Variants in LRRC7 observed in about 807,000 individuals in gnomAD.
LRRC7 encodes leucine rich repeat containing 7, also known as leucine-rich repeat-containing protein 7.
In LRRC7, 23 loss-of-function variants were observed where a neutral mutation model predicts 175.7. The ratio of observed to expected loss-of-function variants is 0.13; its 90% CI spans 0.09 to 0.19. LRRC7 has a LOEUF of 0.19. LRRC7 is among the 10% of genes least tolerant of loss of function. The pLI is 1.00. For missense variants in LRRC7, 1,354 were observed against 1,904.7 expected (o/e 0.71, Z 5.38); for synonymous variants, 685 against 680.9 (o/e 1.01, Z -0.09).
At chr1:69,640,807 C>T (rs1278351308) in intron 1 of LRRC7, among the ~76,000 whole-genome samples, 2 of 150,976 alleles carry the variant, frequency 1.3e-5, no homozygotes, top group East Asian at 3.9e-4. Flanking sequence ...TTTTTAGTTG[C>T]TACTTGAATT....
chr1:69,639,868 T>A (rs1653940800), intron 1 of LRRC7, among the ~76,000 whole-genome samples: 1 of 151,346 alleles, frequency 6.6e-6, no homozygotes, highest in Non-Finnish European at 1.5e-5. Flanking sequence ...AAAAAAAAAA[T>A]CGGTTAATAA....
chr1:70,047,811 A>G (rs1571167494), intron 22 of LRRC7, among the ~76,000 whole-genome samples: 1 of 152,144 alleles, frequency 6.6e-6, no homozygotes, highest in East Asian at 1.9e-4. Context: ...AACAAATATA[A>G]CAAAATTAGT....
intron 7 of LRRC7, among the ~76,000 whole-genome samples, chr1:69,857,507 A>T (rs1251850092): frequency 6.6e-6 from 1 of 152,064 alleles, no homozygotes; most frequent in Admixed American, 6.5e-5. Flanking sequence ...ACTCCCATTC[A>T]CAATTGCTTC....
intron 7 of LRRC7, among the ~76,000 whole-genome samples, chr1:69,891,608 T>C (rs1645835421): frequency 6.6e-6 from 1 of 152,068 alleles, no homozygotes; most frequent in Non-Finnish European, 1.5e-5. Flanking sequence ...GGTGTACATC[T>C]GTAGTGCCAG....
chr1:69,720,541 C>T (rs1666236366), intron 2 of LRRC7, among the ~76,000 whole-genome samples: 1 of 151,604 alleles, frequency 6.6e-6, no homozygotes, highest in African/African-American at 2.4e-5. Flanking sequence ...TTTTGCATAT[C>T]TGTGTTTCCA....
intron 18 of LRRC7, among the ~76,000 whole-genome samples, chr1:70,035,452 T>C (rs1659204137): frequency 6.6e-6 from 1 of 151,878 alleles, no homozygotes; most frequent in Non-Finnish European, 1.5e-5. Context: ...AGAATGAAGA[T>C]TTAGTATGCT....
chr1:70,044,340 C>T (rs1306383884), intron 22 of LRRC7, among the ~76,000 whole-genome samples: 1 of 152,086 alleles, frequency 6.6e-6, no homozygotes, highest in African/African-American at 2.4e-5. Flanking sequence ...AGGTACATGG[C>T]TTTTTGTGTT....
At chr1:69,652,240 C>T (rs564545555) in intron 1 of LRRC7, among the ~76,000 whole-genome samples, 4 of 68,254 alleles carry the variant, frequency 5.9e-5, no homozygotes, top group South Asian at 6.0e-4. Context: ...TGATGTTATA[C>T]GTAGAAAACC....
intron 24 of LRRC7, among the ~76,000 whole-genome samples, chr1:70,079,407 T>C (rs952163526): frequency 4.8e-5 from 7 of 144,346 alleles, no homozygotes; most frequent in African/African-American, 1.7e-4. Flanking sequence ...AGGTACAATA[T>C]GGAAAAAAAT....
chr1:69,832,456 C>T (rs1284642460), intron 5 of LRRC7, among the ~76,000 whole-genome samples: 2 of 151,728 alleles, frequency 1.3e-5, no homozygotes, highest in Non-Finnish European at 2.9e-5. Context: ...GGTTGGGGCA[C>T]CAGTAGAAAA....
At chr1:69,928,714 C>A (rs993718660) in intron 7 of LRRC7, among the ~76,000 whole-genome samples, 19 of 152,200 alleles carry the variant, frequency 1.2e-4, no homozygotes, top group African/African-American at 4.6e-4. Context: ...GTCTGTCACC[C>A]CTTTCTTTGA....
intron 25 of LRRC7, among the ~76,000 whole-genome samples, chr1:70,104,397 T>G (rs1665005304): frequency 6.6e-6 from 1 of 152,188 alleles, no homozygotes; most frequent in African/African-American, 2.4e-5. Flanking sequence ...TAAATACAAT[T>G]AAAAATTAGG....
rs905618101 is a variant in LRRC7 at position 70,141,287 on chromosome 1, A to G, written c.*19400A>G. ...AGCATGGAGAAAGAAAGGGTTTTTA[A>G]GAGTTAAGTCAGTAGAAAGGGAGCC... On this transcript the variant is annotated 3_prime_UTR_variant, in exon 27 of 27. Transcript: ENST00000651989. 4 of 152,150 alleles carry G rather than the reference A, an allele frequency of 2.6e-5. No homozygotes were observed. Among genetic ancestry groups the G allele is most frequent in the African/African-American group, 9.6e-5 (4 of 41,456 alleles). 9.4% of individuals were successfully genotyped at this position (152,150 alleles called of 1,614,324 possible).
rs889979228 is a variant in LRRC7 at position 70,039,932 on chromosome 1, G to A, written c.3969+139G>A. Reference sequence around the variant, plus strand: ...TATTTTATTTATCTTTATATTGTGGGGAAAATGGATCATAATAGTTTTTCA... The same window carrying A: ...TATTTTATTTATCTTTATATTGTGGAGAAAATGGATCATAATAGTTTTTCA... On this transcript the variant is annotated intron_variant, in intron 21 of 26. Transcript: ENST00000651989. The A allele has an allele frequency of 3.3e-5, 38 of 1,157,624 alleles. No homozygotes were observed. The African/African-American group carries it at 5.1e-4, about 15-fold the overall frequency. The allele number at this position is 1,157,624 out of a possible 1,614,324, so 71.7% of individuals were successfully genotyped here. A position where few individuals can be genotyped will look rare whatever the true frequency, so the allele number is the denominator to read the frequency against.
At chr1:69,655,807 A>G (rs1400614476) in intron 1 of LRRC7, among the ~76,000 whole-genome samples, 2 of 152,058 alleles carry the variant, frequency 1.3e-5, no homozygotes, top group African/African-American at 2.4e-5. Context: ...AATGATTTAA[A>G]ACATAGTTTG....
intron 1 of LRRC7, among the ~76,000 whole-genome samples, chr1:69,657,413 A>G (rs1436784773): frequency 1.3e-5 from 2 of 151,842 alleles, no homozygotes; most frequent in Non-Finnish European, 3.0e-5. Context: ...TTATTTCAGA[A>G]TGACATATAA....
At chr1:69,970,783 A>G (rs1652153728) in intron 8 of LRRC7, among the ~76,000 whole-genome samples, 1 of 152,100 alleles carries the variant, frequency 6.6e-6, no homozygotes, top group African/African-American at 2.4e-5. Context: ...ATTGTATGAA[A>G]CCATTATCAC....
intron 7 of LRRC7, among the ~76,000 whole-genome samples, chr1:69,922,029 A>C (rs1031960886): frequency 1.3e-5 from 2 of 152,064 alleles, no homozygotes; most frequent in Non-Finnish European, 2.9e-5. Flanking sequence ...AGATTCAAGC[A>C]ATTCTCCTGC....
chr1:69,911,353 G>A (rs1213926428), intron 7 of LRRC7, among the ~76,000 whole-genome samples: 3 of 152,176 alleles, frequency 2.0e-5, no homozygotes, highest in Admixed American at 6.5e-5. Flanking sequence ...CCACCCTGTT[G>A]TAAGTTCTTT....
Sources: gnomAD v4.1 joint callset for allele counts (sites outside exome capture counted in the v4.1 genomes callset) on GRCh38, gnomAD v4.1.1 for gene constraint, MANE v1.5 for transcripts, NCBI Gene and HGNC (gene_info 2026-07-23, HGNC 2026-07-21) for gene names.